SLC2A11: variants seen among roughly 807,000 people sequenced by gnomAD.
The protein encoded by SLC2A11 is solute carrier family 2, facilitated glucose transporter member 11.
SLC2A11 carries 43 observed loss-of-function variants against 52.1 expected under a neutral mutation model. The ratio of observed to expected loss-of-function variants is 0.82; its 90% CI spans 0.65 to 1.06. SLC2A11 has a LOEUF of 1.06. Ranked by LOEUF, SLC2A11 falls within the 50% of genes least tolerant of loss-of-function variation. The pLI is 0.00. For missense variants in SLC2A11, 582 were observed against 654.2 expected, an observed-to-expected ratio of 0.89 and a Z score of 1.20; for synonymous variants, 261 against 277.6, an observed-to-expected ratio of 0.94 and a Z score of 0.59.
chr22:23,860,371 G>A (rs567289775), intron 1 of SLC2A11, among the ~76,000 whole-genome samples: 5 of 152,194 alleles, frequency 3.3e-5, no homozygotes, highest in African/African-American at 9.6e-5. Flanking sequence ...TCAAGATTGC[G>A]ACACTGCACT....
chr22:23,883,536 C>A, intron 8 of SLC2A11: 1 of 497,726 alleles, frequency 2.0e-6, no homozygotes, highest in Non-Finnish European at 3.5e-6. Flanking sequence ...TAGAGAGCAT[C>A]TATTGAGCAT....
At chr22:23,872,762 G>A (rs902801308) in intron 3 of SLC2A11, 1 of 152,228 alleles carries the variant, frequency 6.6e-6, no homozygotes, top group African/African-American at 2.4e-5. Context: ...AATTTGTCAT[G>A]CACTTTGGAG....
Position 23,875,134 on chromosome 22 carries a change from T to C in SLC2A11, c.308T>C (p.Val103Ala), listed in dbSNP as rs1452997991. The stretch of plus-strand genomic sequence containing the variant: ...CCCCCAAGGAAGAAGTCCCTCCTGG[T>C]GAATAACATCTTTGTGGTGTCAGCA... ...ITLGRKKSLL[V>A]NNIFVVSAAI... The change falls in exon 4 of 12, where the codon GTG becomes GCG. Residue 103 changes from valine to alanine, a missense_variant. Coordinates refer to ENST00000316185, the MANE Select transcript of SLC2A11 (RefSeq NM_001024939.4). 1 of 1,592,740 alleles carries C rather than the reference T, an allele frequency of 6.3e-7. No individual in the cohort carries two copies. Among genetic ancestry groups the C allele is most frequent in the East Asian group, 2.3e-5 (1 of 44,168 alleles).
chr22:23,857,590 G>A (rs1479450992), upstream of SLC2A11: 49 of 1,108,094 alleles, frequency 4.4e-5, no homozygotes, highest in Non-Finnish European at 5.7e-5. Flanking sequence ...CCCCCCCCGC[G>A]GCGGCGACTC....
chr22:23,868,366 C>T, intron 2 of SLC2A11, 115 bp from the exon 3 acceptor site: 1 of 1,299,784 alleles, frequency 7.7e-7, no homozygotes, highest in Non-Finnish European at 1.1e-6. Context: ...GACACGGTGC[C>T]TGTTGTCATT....
At chr22:23,863,046 G>T (rs1306753017) in intron 2 of SLC2A11, among the ~76,000 whole-genome samples, 3 of 152,178 alleles carry the variant, frequency 2.0e-5, no homozygotes, top group East Asian at 3.8e-4. Context: ...AAGCAAGCAG[G>T]GCAGGCAGAC....
chr22:23,870,815 C>T (rs1312523654), intron 3 of SLC2A11: 1 of 152,002 alleles, frequency 6.6e-6, no homozygotes, highest in African/African-American at 2.4e-5. Context: ...GCCTCAGCCT[C>T]CCGAGTAGTT....
chr22:23,857,734 C>G, upstream of SLC2A11: 1 of 1,283,114 alleles, frequency 7.8e-7, no homozygotes, highest in Non-Finnish European at 1.0e-6. Context: ...GCTTGAGTCT[C>G]AGGCCTTAGT....
intron 1 of SLC2A11, among the ~76,000 whole-genome samples, chr22:23,859,294 G>T (rs2031969279): frequency 6.6e-6 from 1 of 152,172 alleles, no homozygotes; most frequent in Non-Finnish European, 1.5e-5. Flanking sequence ...TTGGAACTAT[G>T]GGCAGCCAGG....
At chr22:23,868,254 T>G in intron 2 of SLC2A11, 1 of 570,242 alleles carries the variant, frequency 1.8e-6, no homozygotes, top group Non-Finnish European at 3.1e-6. Context: ...GCGAGTCCAG[T>G]GCTAGGCTCT....
At chr22:23,857,472 G>A (rs1332057905), upstream of SLC2A11, 4 of 1,613,832 alleles carry the variant, frequency 2.5e-6, no homozygotes, top group Non-Finnish European at 2.5e-6. Context: ...TTCAGCCTCA[G>A]TGCTGCGGCA....
At position 23,884,017 on chromosome 22, in the gene SLC2A11, T is replaced by A. The variant is rs1161856314; in HGVS notation, c.1164T>A (p.Ile388=). 1 of 1,612,522 alleles carries A rather than the reference T, an allele frequency of 6.2e-7. No individual in the cohort carries two copies. Among genetic ancestry groups the A allele is most frequent in the Non-Finnish European group, 8.5e-7 (1 of 1,179,626 alleles). ...CIFAFILSFG[I]GPAGVTGILA... is the part of the protein sequence containing the mutation. Reference sequence around the variant, plus strand: ...TTGCCTTCATCCTCAGCTTTGGCATTGGCCCTGGTGAGTGGGCCCAAGGGG... The same window carrying A: ...TTGCCTTCATCCTCAGCTTTGGCATAGGCCCTGGTGAGTGGGCCCAAGGGG... Residue 388 remains isoleucine, a synonymous_variant, in exon 10 of 12, where the codon ATT becomes ATA. Coordinates refer to ENST00000316185, the MANE Select transcript of SLC2A11 (RefSeq NM_001024939.4). The surrounding 1 kb of genome is among the most constrained non-coding windows in gnomAD (Gnocchi z 4.3).
intron 3 of SLC2A11, chr22:23,873,302 CGT>C (rs373424451): frequency 0.085 from 12,013 of 140,918 alleles, 860 homozygotes; most frequent in African/African-American, 0.22. Flanking sequence ...ATTACAGACA[CGT>C]GTGTGTGTGT....
upstream of SLC2A11, among the ~76,000 whole-genome samples, chr22:23,857,702 C>G (rs2031898761): frequency 6.6e-6 from 1 of 152,174 alleles, no homozygotes; most frequent in African/African-American, 2.4e-5. Flanking sequence ...ACTCTAGCGG[C>G]TCTGCGCTTC....
chr22:23,879,218 G>C (rs9612496), intron 6 of SLC2A11, among the ~76,000 whole-genome samples: 54,349 of 151,910 alleles, frequency 0.36, 9,990 homozygotes, highest in South Asian at 0.46. Context: ...TAGGCATGAC[G>C]CCATTGTTGA....
intron 3 of SLC2A11, chr22:23,872,367 T>C (rs894008718): frequency 4.6e-5 from 7 of 152,076 alleles, no homozygotes; most frequent in African/African-American, 1.4e-4. Flanking sequence ...TATATATGTA[T>C]ATGGATAGTA....
Position 23,884,931 on chromosome 22 carries a change from T to TTAAATGAGGAATGCAGGAG in SLC2A11, c.*82_*83insTAAATGAGGAATGCAGGAG. On this transcript the variant is annotated 3_prime_UTR_variant, in exon 12 of 12. Coordinates refer to ENST00000316185, the MANE Select transcript of SLC2A11 (RefSeq NM_001024939.4). This position sits in a 1 kb window ranked among gnomAD's most constrained non-coding sequence, Gnocchi z 4.3. ...CAGGGCCCTGGTCCTCACTCCCTCC[T>TTAAATGAGGAATGCAGGAG]GCATTCCTCATTTAAGGAGTGTTTA... is the stretch of plus-strand genomic sequence containing the variant. The TTAAATGAGGAATGCAGGAG allele has an allele frequency of 8.5e-7, 1 of 1,176,948 alleles. No homozygotes were observed. The highest frequency in any genetic ancestry group is 1.2e-6 in the Non-Finnish European group (1 of 818,586). 72.9% of individuals were successfully genotyped at this position (1,176,948 alleles called of 1,614,324 possible).
In SLC2A11 at chr22:23,862,104, A is replaced by G; in HGVS notation, c.31A>G (p.Ile11Val). The change falls in exon 2 of 12, where the codon ATT becomes GTT. Residue 11 changes from isoleucine to valine, a missense_variant and splice_region_variant. Coordinates refer to ENST00000316185, the MANE Select transcript of SLC2A11 (RefSeq NM_001024939.4). Reference protein sequence around the residue: MLHALLRSRMIQGRILLLTIC... With the variant: MLHALLRSRMVQGRILLLTIC... ...TCTGTGTTCTCTCCTCTCTCCTCAG[A>G]TTCAGGGCAGGATCCTGCTCCTGAC... The G allele has an allele frequency of 6.2e-7, 1 of 1,613,982 alleles. No individual in the cohort carries two copies.
intron 6 of SLC2A11, 113 bp from the exon 7 acceptor site, chr22:23,882,340 TCAGAGA>T (rs2032841719): frequency 2.3e-6 from 2 of 865,974 alleles, no homozygotes; most frequent in Non-Finnish European, 3.5e-6. Context: ...ACAGACAGAC[TCAGAGA>T]CAGAGAGTGA....
Sources: allele counts gnomAD v4.1 joint callset (sites outside exome capture counted in the v4.1 genomes callset), GRCh38; gene constraint gnomAD v4.1.1; non-coding constraint Gnocchi (gnomAD v3.1); transcripts MANE v1.5; gene names NCBI Gene and HGNC (gene_info 2026-07-23, HGNC 2026-07-21).